The following ST8SIA5 variants were observed in gnomAD, a reference collection of about 807,000 sequenced individuals.
The protein encoded by ST8SIA5 is alpha-2,8-sialyltransferase 8E.
ST8SIA5 carries 24 observed loss-of-function variants against 40.2 expected under a neutral mutation model. The ratio of observed to expected loss-of-function variants is 0.60; its 90% CI spans 0.43 to 0.84. The LOEUF (loss-of-function observed/expected upper bound fraction) is 0.84, where lower values mean the gene tolerates loss of function less well. ST8SIA5 is among the 40% of genes least tolerant of loss of function. ST8SIA5 has a pLI of 0.00. For synonymous variants in ST8SIA5, 198 were observed against 201.8 expected (o/e 0.98, Z 0.16); for missense variants, 465 against 498.5 (o/e 0.93, Z 0.64).
At position 46,673,696 on chromosome 18, in the gene ST8SIA5, G is replaced by A. The variant is rs1406341396; in HGVS notation, c.*6346C>T. 2 of 151,920 alleles carry A rather than the reference G, an allele frequency of 1.3e-5. No homozygotes were observed. Among genetic ancestry groups the A allele is most frequent in the Non-Finnish European group, 2.9e-5 (2 of 67,976 alleles). The allele number at this position is 151,920 out of a possible 1,614,324, so 9.4% of individuals were successfully genotyped here. ...TCTATACTGTAGATCTATACTGTAG[G>A]TCTATCCAGTCTACCCTTTGAAGAT... is the stretch of plus-strand genomic sequence containing the variant. On this transcript the variant is annotated 3_prime_UTR_variant, in exon 7 of 7. Coordinates refer to ENST00000315087, the MANE Select transcript of ST8SIA5 (RefSeq NM_013305.6).
At chr18:46,691,718 G>A (rs556205241) in intron 3 of ST8SIA5, 21 of 164,472 alleles carry the variant, frequency 1.3e-4, no homozygotes, top group South Asian at 6.8e-4. Flanking sequence ...CAAATGTCTC[G>A]TGGAGGCTGG....
chr18:46,719,712 T>TTCTTTCTTTCTTTCTTTCTTTCTTTCTC (rs1568267819), intron 1 of ST8SIA5, among the ~76,000 whole-genome samples: 2 of 150,598 alleles, frequency 1.3e-5, no homozygotes, highest in Non-Finnish European at 3.0e-5. Context: ...CTTTCTCTCT[T>TTCTTTCTTTCTTTCTTTCTTTCTTTCTC]TCTTTCTCTC....
intron 2 of ST8SIA5, among the ~76,000 whole-genome samples, chr18:46,698,154 TCCA>T (rs1334019883): frequency 7.9e-6 from 1 of 126,510 alleles, no homozygotes; most frequent in Non-Finnish European, 1.6e-5. Context: ...AACCCAACAA[TCCA>T]CCACACCAAC....
intron 2 of ST8SIA5, among the ~76,000 whole-genome samples, chr18:46,699,256 C>G (rs1235001423): frequency 6.6e-6 from 1 of 152,164 alleles, no homozygotes; most frequent in African/African-American, 2.4e-5. Flanking sequence ...AAATCGATTA[C>G]TTAGGTAATC....
At chr18:46,704,984 G>T (rs1461864162) in intron 1 of ST8SIA5, among the ~76,000 whole-genome samples, 1 of 152,222 alleles carries the variant, frequency 6.6e-6, no homozygotes, top group Non-Finnish European at 1.5e-5. Context: ...AGGGGAGGAG[G>T]AGGGATGCTG....
At chr18:46,746,476 AAG>A (rs1291018375) in intron 1 of ST8SIA5, among the ~76,000 whole-genome samples, 3 of 152,182 alleles carry the variant, frequency 2.0e-5, no homozygotes, top group African/African-American at 2.4e-5. Context: ...AATTGCTACA[AAG>A]AGAATAAAAT....
intron 2 of ST8SIA5, among the ~76,000 whole-genome samples, chr18:46,699,068 G>A (rs929582916): frequency 3.9e-5 from 6 of 152,176 alleles, no homozygotes; most frequent in African/African-American, 1.4e-4. Flanking sequence ...GCTTCAAAAA[G>A]GGCTTGGTAT....
intron 2 of ST8SIA5, among the ~76,000 whole-genome samples, chr18:46,695,445 AG>A (rs2039548962): frequency 6.6e-6 from 1 of 152,212 alleles, no homozygotes; most frequent in South Asian, 2.1e-4. Flanking sequence ...TCTGAGTCTC[AG>A]TTTTCTCATC....
chr18:46,718,189 C>A (rs931518957), intron 1 of ST8SIA5, among the ~76,000 whole-genome samples: 2 of 152,010 alleles, frequency 1.3e-5, no homozygotes, highest in African/African-American at 4.8e-5. Flanking sequence ...AATTAGCCGG[C>A]GCTGGTGGCA....
intron 4 of ST8SIA5, 72 bp downstream of exon 4, chr18:46,688,703 A>G: frequency 1.9e-6 from 3 of 1,541,292 alleles, no homozygotes; most frequent in Non-Finnish European, 2.6e-6. Context: ...AACCCCAGGG[A>G]CATTGCCACG....
chr18:46,729,143 G>A (rs564452834), intron 1 of ST8SIA5, among the ~76,000 whole-genome samples: 1 of 152,132 alleles, frequency 6.6e-6, no homozygotes, highest in African/African-American at 2.4e-5. Context: ...TGACCACTCT[G>A]GCCCAGCCCA....
At chr18:46,747,423 C>A (rs2040151288) in intron 1 of ST8SIA5, among the ~76,000 whole-genome samples, 1 of 152,296 alleles carries the variant, frequency 6.6e-6, no homozygotes, top group Non-Finnish European at 1.5e-5. Context: ...TATGAACAGA[C>A]ACTTCTTAAA....
At chr18:46,682,265 C>T (rs2039405357) in intron 5 of ST8SIA5, among the ~76,000 whole-genome samples, 1 of 152,210 alleles carries the variant, frequency 6.6e-6, no homozygotes, top group Non-Finnish European at 1.5e-5. Flanking sequence ...ACAGGCCTTG[C>T]TGAAGTTCCA....
At chr18:46,724,742 G>A (rs901289262) in intron 1 of ST8SIA5, among the ~76,000 whole-genome samples, 3 of 152,154 alleles carry the variant, frequency 2.0e-5, no homozygotes, top group African/African-American at 7.2e-5. Flanking sequence ...GGGAAACCGA[G>A]GTGGGTGGAT....
At position 46,735,703 on chromosome 18, in the gene ST8SIA5, C is replaced by G. The variant is rs564421755; in HGVS notation, c.131+20675G>C. On this transcript the variant is annotated intron_variant, in intron 1 of 6. Transcript: ENST00000315087. ...TCATAGCTGACTGCAGCATCAACTTCCTGGGTCCAAGCAATCCTCCCACCT... is the reference window on the plus strand; with the variant it reads ...TCATAGCTGACTGCAGCATCAACTTGCTGGGTCCAAGCAATCCTCCCACCT... 3.3e-5 allele frequency among the ~76,000 whole-genome samples: 5 copies of G among 152,250 alleles called. No homozygotes were observed. The East Asian group carries it at 9.7e-4, about 29-fold the overall frequency.
chr18:46,694,131 C>T (rs561040938), intron 2 of ST8SIA5, among the ~76,000 whole-genome samples: 1 of 152,320 alleles, frequency 6.6e-6, no homozygotes, highest in East Asian at 1.9e-4. Flanking sequence ...AGGCCAGCAC[C>T]CACTCCTTCT....
At chr18:46,740,710 C>A (rs1316784699) in intron 1 of ST8SIA5, among the ~76,000 whole-genome samples, 2 of 152,146 alleles carry the variant, frequency 1.3e-5, no homozygotes, top group East Asian at 3.9e-4. Context: ...ATTGAAAATA[C>A]ATCTGGTATT....
chr18:46,709,838 G>A (rs1170506335), intron 1 of ST8SIA5, among the ~76,000 whole-genome samples: 2 of 152,158 alleles, frequency 1.3e-5, no homozygotes, highest in Non-Finnish European at 2.9e-5. Flanking sequence ...TAAGTTTTCT[G>A]CAATGGGGTT....
At chr18:46,697,255 T>A (rs2039565836) in intron 2 of ST8SIA5, among the ~76,000 whole-genome samples, 1 of 152,030 alleles carries the variant, frequency 6.6e-6, no homozygotes, top group South Asian at 2.1e-4. Flanking sequence ...AGGTTAAATA[T>A]GGATAGATAG....
Sources: gnomAD v4.1 joint callset for allele counts (sites outside exome capture counted in the v4.1 genomes callset) on GRCh38, gnomAD v4.1.1 for gene constraint, MANE v1.5 for transcripts, NCBI Gene and HGNC (gene_info 2026-07-23, HGNC 2026-07-21) for gene names.